Variants in CSMD3 observed in about 807,000 individuals in gnomAD.
CSMD3 encodes the protein CUB and Sushi multiple domains 3.
Under a neutral mutation model 435.2 loss-of-function variants are expected in CSMD3, and 177 were observed. The ratio of observed to expected loss-of-function variants is 0.41; its 90% CI spans 0.36 to 0.46. The LOEUF is 0.46. Among genes scored for constraint, CSMD3 ranks in the 20% least tolerant of loss-of-function variants. CSMD3 has a pLI of 0.34. For synonymous variants in CSMD3, 1,656 were observed against 1,520.5 expected (o/e 1.09, Z -2.07); for missense variants, 4,265 against 4,504.6 (o/e 0.95, Z 1.52).
At chr8:112,991,972 AT>A (rs1327995051) in intron 6 of CSMD3, among the ~76,000 whole-genome samples, 3 of 151,854 alleles carry the variant, frequency 2.0e-5, no homozygotes, top group Non-Finnish European at 4.4e-5. Context: ...GGAAGTTGAT[AT>A]TTTAGTGAGC....
chr8:112,421,553 T>A (rs1812500219), intron 32 of CSMD3, among the ~76,000 whole-genome samples: 1 of 44,792 alleles, frequency 2.2e-5, no homozygotes, highest in Non-Finnish European at 4.1e-5. Flanking sequence ...AAAAGATATA[T>A]ATATATGTTA....
Position 113,403,537 on chromosome 8 carries a change from C to T in CSMD3, c.178+33140G>A, listed in dbSNP as rs62521134. On this transcript the variant is annotated intron_variant, in intron 1 of 70. Coordinates refer to ENST00000297405, the MANE Select transcript of CSMD3 (RefSeq NM_198123.2). ...TGGACTCTTCCCATTTTCTCCTCTT[C>T]TTCCCTTTTTAGAGTACATTAAAAA... Among the ~76,000 whole-genome samples, 1,449 of 151,428 alleles carry T rather than the reference C, an allele frequency of 9.6e-3. 13 individuals carry two copies. Among genetic ancestry groups the T allele is most frequent in the Non-Finnish European group, 0.015 (1,039 of 67,366 alleles).
At chr8:112,295,768 C>T (rs2130712420) in intron 54 of CSMD3, 65 bp downstream of exon 54, 1 of 1,388,234 alleles carries the variant, frequency 7.2e-7, no homozygotes, top group South Asian at 1.2e-5. Flanking sequence ...TTCATCTTGC[C>T]TAACAAAAAC....
intron 1 of CSMD3, among the ~76,000 whole-genome samples, chr8:113,408,651 A>T (rs1199198094): frequency 6.6e-6 from 1 of 151,756 alleles, no homozygotes; most frequent in Non-Finnish European, 1.5e-5. Flanking sequence ...CCACGTGACA[A>T]GGAGTTTTTT....
chr8:113,060,872 A>C (rs2088582489), intron 5 of CSMD3, among the ~76,000 whole-genome samples: 1 of 152,206 alleles, frequency 6.6e-6, no homozygotes, highest in Non-Finnish European at 1.5e-5. Flanking sequence ...AAATGTCTCC[A>C]TCTGCTATAT....
intron 3 of CSMD3, among the ~76,000 whole-genome samples, chr8:113,268,597 T>G (rs2132400845): frequency 6.6e-6 from 1 of 152,122 alleles, no homozygotes; most frequent in Admixed American, 6.6e-5. Flanking sequence ...AATACATAAT[T>G]AAAGGCCCTT....
At chr8:112,492,753 T>G in intron 30 of CSMD3, 70 bp from the exon 31 acceptor site, 2 of 1,236,752 alleles carry the variant, frequency 1.6e-6, no homozygotes, top group South Asian at 2.4e-5. Context: ...ACATGGGTTC[T>G]GCATCTGTGG....
At chr8:112,997,409 T>A (rs2085694212) in intron 6 of CSMD3, among the ~76,000 whole-genome samples, 2 of 151,688 alleles carry the variant, frequency 1.3e-5, no homozygotes, top group African/African-American at 4.8e-5. Flanking sequence ...TTATTTATGA[T>A]TCCTTAATGG....
chr8:113,170,160 A>G (rs1455964126), intron 4 of CSMD3, among the ~76,000 whole-genome samples: 1 of 152,188 alleles, frequency 6.6e-6, no homozygotes, highest in Non-Finnish European at 1.5e-5. Context: ...CCCCCTGCAA[A>G]GTTATAAATG....
intron 3 of CSMD3, among the ~76,000 whole-genome samples, chr8:113,226,945 G>A (rs536180739): frequency 6.6e-6 from 1 of 151,638 alleles, no homozygotes; most frequent in South Asian, 2.1e-4. Context: ...GACTTTCTGG[G>A]ATTGCTTCTG....
At chr8:113,046,516 C>T (rs1224388171) in intron 5 of CSMD3, among the ~76,000 whole-genome samples, 1 of 127,424 alleles carries the variant, frequency 7.8e-6, no homozygotes, top group Non-Finnish European at 1.9e-5. Flanking sequence ...GAGTCAGTCA[C>T]AAGAGGCCCC....
chr8:113,206,677 T>G (rs893866842), intron 3 of CSMD3, among the ~76,000 whole-genome samples: 2 of 152,162 alleles, frequency 1.3e-5, no homozygotes, highest in Admixed American at 1.3e-4. Flanking sequence ...GAAGTTCTTA[T>G]CATTTTCTCA....
At chr8:112,797,700 T>C (rs1391660610) in intron 13 of CSMD3, among the ~76,000 whole-genome samples, 3 of 151,884 alleles carry the variant, frequency 2.0e-5, no homozygotes, top group Non-Finnish European at 2.9e-5. Context: ...ATGGTAATTA[T>C]GAAAATTATT....
chr8:113,061,078 C>A (rs760932794), intron 5 of CSMD3, among the ~76,000 whole-genome samples: 1 of 152,084 alleles, frequency 6.6e-6, no homozygotes, highest in Non-Finnish European at 1.5e-5. Flanking sequence ...TCCTTCTTAG[C>A]TTCTCAGAGC....
At chr8:113,284,340 T>C (rs1264503168) in intron 2 of CSMD3, among the ~76,000 whole-genome samples, 2 of 152,096 alleles carry the variant, frequency 1.3e-5, no homozygotes, top group Admixed American at 6.6e-5. Context: ...TGAGTTGAAA[T>C]GGTAGGAGAA....
intron 20 of CSMD3, among the ~76,000 whole-genome samples, chr8:112,644,877 G>A (rs1312152467): frequency 2.0e-5 from 3 of 151,980 alleles, no homozygotes; most frequent in Non-Finnish European, 2.9e-5. Flanking sequence ...TATATCAAAA[G>A]TAAACAAATC....
intron 3 of CSMD3, among the ~76,000 whole-genome samples, chr8:113,226,791 T>G (rs2093033759): frequency 6.6e-6 from 1 of 151,592 alleles, no homozygotes; most frequent in Non-Finnish European, 1.5e-5. Flanking sequence ...CGGAAGTAAT[T>G]TACCTTTCTG....
chr8:112,912,083 T>TA (rs2082436202), intron 10 of CSMD3, among the ~76,000 whole-genome samples: 1 of 147,204 alleles, frequency 6.8e-6, no homozygotes, highest in African/African-American at 2.5e-5. Flanking sequence ...TCAAGGAGTT[T>TA]TATATATATA....
intron 1 of CSMD3, among the ~76,000 whole-genome samples, chr8:113,331,182 A>T (rs1420730314): frequency 6.6e-6 from 1 of 151,772 alleles, no homozygotes; most frequent in Admixed American, 6.6e-5. Flanking sequence ...ATGAATTAAA[A>T]AGTTAGATTA....
Sources: gnomAD v4.1 joint callset for allele counts (sites outside exome capture counted in the v4.1 genomes callset) on GRCh38, gnomAD v4.1.1 for gene constraint, MANE v1.5 for transcripts, NCBI Gene and HGNC (gene_info 2026-07-23, HGNC 2026-07-21) for gene names.